The following NWD2 variants were observed in gnomAD, a reference collection of about 807,000 sequenced individuals.
NWD2 encodes the protein NACHT and WD repeat domain-containing protein 2.
A neutral mutation model predicts 132.7 loss-of-function variants in NWD2; 37 were observed. The ratio of observed to expected loss-of-function variants is 0.28; its 90% CI spans 0.21 to 0.37. NWD2 has a LOEUF of 0.37. NWD2 is among the 10% of genes least tolerant of loss of function. The pLI is 1.00. For synonymous variants in NWD2, 705 were observed against 803.0 expected (o/e 0.88, Z 2.06); for missense variants, 1,592 against 2,122.4 (o/e 0.75, Z 4.91).
intron 3 of NWD2, among the ~76,000 whole-genome samples, chr4:37,412,847 C>A (rs1721190072): frequency 1.3e-5 from 2 of 152,216 alleles, no homozygotes; most frequent in African/African-American, 4.8e-5. Context: ...ACCATCTGAT[C>A]TTTGACAATC....
intron 3 of NWD2, among the ~76,000 whole-genome samples, chr4:37,418,349 T>C (rs952529783): frequency 1.3e-5 from 2 of 152,178 alleles, no homozygotes; most frequent in Non-Finnish European, 2.9e-5. Context: ...ACAAGTCTTC[T>C]ATGCAGAATA....
rs771797822 is a variant in NWD2 at position 37,431,781 on chromosome 4, AAATT to A, written c.561+1007_561+1010del. Among the ~76,000 whole-genome samples, 3 of 152,166 alleles carry A rather than the reference AAATT, an allele frequency of 2.0e-5. No individual in the cohort carries two copies. In the South Asian group the frequency reaches 6.2e-4, roughly 31 times the overall value. On this transcript the variant is annotated intron_variant, in intron 4 of 6. Coordinates refer to ENST00000309447, the MANE Select transcript of NWD2 (RefSeq NM_001144990.2). ...ACTAAATCCAAAGCTAAGAAACTAT[AAATT>A]GTCACTCACCTTTCCATTTAGCATC...
At chr4:37,310,675 C>G (rs1202733783) in intron 1 of NWD2, among the ~76,000 whole-genome samples, 2 of 151,372 alleles carry the variant, frequency 1.3e-5, no homozygotes, top group African/African-American at 4.9e-5. Context: ...GGTACAAGTG[C>G]ACAATGTGCA....
At chr4:37,413,359 C>T (rs1560248972) in intron 3 of NWD2, among the ~76,000 whole-genome samples, 1 of 152,060 alleles carries the variant, frequency 6.6e-6, no homozygotes, top group Admixed American at 6.6e-5. Context: ...AGCCAACAGA[C>T]ATATGAAAAA....
chr4:37,383,645 G>T (rs1720503540), intron 3 of NWD2, among the ~76,000 whole-genome samples: 1 of 152,130 alleles, frequency 6.6e-6, no homozygotes, highest in African/African-American at 2.4e-5. Flanking sequence ...ACTCACCTAG[G>T]AATTCTTTGA....
intron 1 of NWD2, among the ~76,000 whole-genome samples, chr4:37,254,336 A>G (rs183095741): frequency 6.0e-4 from 91 of 152,360 alleles, no homozygotes; most frequent in African/African-American, 2.1e-3. Context: ...TTTGAGCTCT[A>G]AGCATTGATG....
chr4:37,386,567 A>T (rs1720567986), intron 3 of NWD2, among the ~76,000 whole-genome samples: 1 of 151,980 alleles, frequency 6.6e-6, no homozygotes, highest in Admixed American at 6.6e-5. Flanking sequence ...CTGTGCTCTG[A>T]GCTCTGGGCT....
In NWD2 at chr4:37,258,263, T is replaced by G. The variant is rs1442154410; in HGVS notation, c.151+13045T>G. Among the ~76,000 whole-genome samples, 13 of 152,380 alleles carry G rather than the reference T, an allele frequency of 8.5e-5. No individual in the cohort carries two copies. The East Asian group carries it at 2.3e-3, about 27-fold the overall frequency. On this transcript the variant is annotated intron_variant, in intron 1 of 6. Coordinates refer to ENST00000309447, the MANE Select transcript of NWD2 (RefSeq NM_001144990.2). ...TAAAAGACTATTTAATTCCAAGTAG[T>G]TAACTATTATTGAATGACCCAACCA... is the stretch of plus-strand genomic sequence containing the variant.
intron 1 of NWD2, among the ~76,000 whole-genome samples, chr4:37,267,576 C>G (rs770755473): frequency 1.3e-5 from 2 of 151,888 alleles, no homozygotes; most frequent in African/African-American, 4.8e-5. Context: ...AGGACCTCAC[C>G]CACGGATGCA....
intron 1 of NWD2, among the ~76,000 whole-genome samples, chr4:37,245,564 A>T (rs1475681840): frequency 2.0e-5 from 3 of 148,014 alleles, no homozygotes; most frequent in Admixed American, 6.7e-5. Context: ...TTTTTTTTTT[A>T]AAGCGGTTTC....
intron 1 of NWD2, among the ~76,000 whole-genome samples, chr4:37,279,457 TG>T (rs1169053875): frequency 6.6e-6 from 1 of 152,212 alleles, no homozygotes; most frequent in East Asian, 1.9e-4. Context: ...GAATATCAGT[TG>T]ATTTTTCCAA....
rs71604062 is a variant in NWD2, at chr4:37,415,630, C to T, written c.358-14942C>T. 2.2e-3 allele frequency among the ~76,000 whole-genome samples: 329 copies of T among 147,608 alleles called. 1 individual carries two copies. Among genetic ancestry groups the T allele is most frequent in the Non-Finnish European group, 3.7e-3 (251 of 67,510 alleles). ...GAGGCAGGAAAATGGCGTGAACCTG[C>T]GAGGTGGAGCTTGCAGTGAGCCGAG... On this transcript the variant is annotated intron_variant, in intron 3 of 6. Coordinates refer to ENST00000309447, the MANE Select transcript of NWD2 (RefSeq NM_001144990.2).
chr4:37,261,523 A>G (rs1279655362), intron 1 of NWD2, among the ~76,000 whole-genome samples: 1 of 152,034 alleles, frequency 6.6e-6, no homozygotes, highest in East Asian at 1.9e-4. Context: ...TTTCCATGAA[A>G]CTCGCAAGAA....
At chr4:37,350,466 A>G (rs2109298487) in intron 2 of NWD2, among the ~76,000 whole-genome samples, 1 of 152,312 alleles carries the variant, frequency 6.6e-6, no homozygotes, top group East Asian at 1.9e-4. Context: ...GAATTCACTC[A>G]TGATTTGGCT....
intron 3 of NWD2, among the ~76,000 whole-genome samples, chr4:37,415,291 G>A (rs1034221982): frequency 6.6e-6 from 1 of 152,096 alleles, no homozygotes; most frequent in African/African-American, 2.4e-5. Context: ...TTAAAGTGGA[G>A]GTAGTGCATC....
chr4:37,333,414 G>C (rs1299202313), intron 2 of NWD2, among the ~76,000 whole-genome samples: 1 of 152,150 alleles, frequency 6.6e-6, no homozygotes, highest in African/African-American at 2.4e-5. Flanking sequence ...TTGAGAGAAA[G>C]TAAGGGAAGA....
chr4:37,335,397 G>A (rs1240071778), intron 2 of NWD2, among the ~76,000 whole-genome samples: 1 of 151,732 alleles, frequency 6.6e-6, no homozygotes, highest in Non-Finnish European at 1.5e-5. Flanking sequence ...AGATTCCAGA[G>A]TACTTTATTT....
intron 2 of NWD2, among the ~76,000 whole-genome samples, chr4:37,342,281 C>T (rs28537869): frequency 0.036 from 5,476 of 151,912 alleles, 332 homozygotes; most frequent in African/African-American, 0.13. Context: ...TCTCTTGCTC[C>T]CTCTCTCATT....
intron 1 of NWD2, among the ~76,000 whole-genome samples, chr4:37,289,593 G>A (rs1214764546): frequency 2.6e-5 from 4 of 152,016 alleles, no homozygotes; most frequent in Admixed American, 1.3e-4. Context: ...TAACACTTTA[G>A]CATGCATATC....
Sources: allele counts gnomAD v4.1 joint callset (sites outside exome capture counted in the v4.1 genomes callset), GRCh38; gene constraint gnomAD v4.1.1; transcripts MANE v1.5; gene names NCBI Gene and HGNC (gene_info 2026-07-23, HGNC 2026-07-21).